RARB: variants seen among roughly 807,000 people sequenced by gnomAD.
RARB encodes retinoic acid receptor beta, also known as HBV-activated protein.
Under a neutral mutation model 51.9 loss-of-function variants are expected in RARB, and 17 were observed. The observed-to-expected ratio is 0.33, with a 90% confidence interval of 0.22 to 0.49. The LOEUF (loss-of-function observed/expected upper bound fraction) is 0.49, where lower values mean the gene tolerates loss of function less well. RARB is among the 20% of genes least tolerant of loss of function. The pLI is 0.99. For synonymous variants in RARB, 215 were observed against 195.4 expected, an observed-to-expected ratio of 1.10 and a Z score of -0.84; for missense variants, 369 against 550.8, an observed-to-expected ratio of 0.67 and a Z score of 3.30.
At chr3:25,334,447 C>T (rs957916973) in intron 5 of RARB, among the ~76,000 whole-genome samples, 9 of 152,222 alleles carry the variant, frequency 5.9e-5, no homozygotes, top group South Asian at 2.1e-4. Context: ...GCAAACACCG[C>T]ATGTTCTCAC....
intron 3 of RARB, among the ~76,000 whole-genome samples, chr3:25,567,540 G>A (rs73820520): frequency 9.8e-4 from 149 of 152,088 alleles, no homozygotes; most frequent in African/African-American, 3.2e-3. Flanking sequence ...CCACTTCCCC[G>A]TCATCGGGTG....
intron 2 of RARB, among the ~76,000 whole-genome samples, chr3:24,943,121 C>T (rs1168450963): frequency 6.6e-6 from 1 of 152,080 alleles, no homozygotes; most frequent in Non-Finnish European, 1.5e-5. Context: ...GACTTAGATT[C>T]CTAAATCAGA....
chr3:25,544,389 C>T (rs546685158), intron 3 of RARB, among the ~76,000 whole-genome samples: 1 of 152,132 alleles, frequency 6.6e-6, no homozygotes, highest in African/African-American at 2.4e-5. Flanking sequence ...AACAAAGAAG[C>T]TTTTCCCTGG....
chr3:25,596,770 T>TA lies in RARB; in HGVS notation c.*155dup. 1 of 551,290 alleles carries TA rather than the reference T, an allele frequency of 1.8e-6. No homozygotes were observed. The highest frequency in any genetic ancestry group is 3.0e-6 in the Non-Finnish European group (1 of 332,982). The allele number at this position is 551,290 out of a possible 1,614,324, so 34.1% of individuals were successfully genotyped here. ...AAGTTTTCATATGTATCAATATATA[T>TA]ACTCCTCACTGTGTAACTTACCTAG... On this transcript the variant is annotated 3_prime_UTR_variant, in exon 8 of 8. Coordinates refer to ENST00000330688, the MANE Select transcript of RARB (RefSeq NM_000965.5).
intron 5 of RARB, among the ~76,000 whole-genome samples, chr3:25,303,057 G>A (rs1704077586): frequency 6.6e-6 from 1 of 152,150 alleles, no homozygotes; most frequent in Admixed American, 6.6e-5. Flanking sequence ...GACCCTTGAT[G>A]GCCATCAGAG....
At chr3:25,002,057 C>T (rs1697172933) in intron 2 of RARB, among the ~76,000 whole-genome samples, 1 of 152,140 alleles carries the variant, frequency 6.6e-6, no homozygotes, top group South Asian at 2.1e-4. Flanking sequence ...AGGCATGAGC[C>T]ACCATACCTG....
At chr3:25,593,935 C>T (rs1448384465) in intron 6 of RARB, among the ~76,000 whole-genome samples, 1 of 152,012 alleles carries the variant, frequency 6.6e-6, no homozygotes, top group East Asian at 1.9e-4. Context: ...AGCTATTACT[C>T]CAATTGCCAC....
chr3:25,461,129 G>GA, intron 1 of RARB, 64 bp from the exon 2 acceptor site: 1 of 1,486,178 alleles, frequency 6.7e-7, no homozygotes, highest in Non-Finnish European at 9.0e-7. Flanking sequence ...ATTCACTGTT[G>GA]AAAAAAGTAA....
intron 5 of RARB, among the ~76,000 whole-genome samples, chr3:25,336,119 G>A (rs1705055615): frequency 6.7e-6 from 1 of 150,234 alleles, no homozygotes; most frequent in Admixed American, 6.6e-5. Context: ...AGGAAAAAAG[G>A]AAATAAAATT....
At chr3:25,341,425 C>T (rs970046086) in intron 5 of RARB, among the ~76,000 whole-genome samples, 1 of 152,052 alleles carries the variant, frequency 6.6e-6, no homozygotes, top group Non-Finnish European at 1.5e-5. Context: ...AGGGTGAGAG[C>T]CAGAGAGAAT....
intron 5 of RARB, among the ~76,000 whole-genome samples, chr3:25,224,054 A>C (rs1392537294): frequency 6.6e-6 from 1 of 152,204 alleles, no homozygotes; most frequent in African/African-American, 2.4e-5. Flanking sequence ...ACACCATAGA[A>C]TGTTAACACT....
chr3:24,996,692 A>G (rs547093250), intron 2 of RARB, among the ~76,000 whole-genome samples: 50 of 151,476 alleles, frequency 3.3e-4, no homozygotes, highest in African/African-American at 1.1e-3. Flanking sequence ...AATTTCATGC[A>G]TAATTTCTTC....
chr3:25,246,542 T>C (rs941942970), intron 5 of RARB, among the ~76,000 whole-genome samples: 2 of 152,134 alleles, frequency 1.3e-5, no homozygotes, highest in Admixed American at 1.3e-4. Context: ...GCTATTCCTT[T>C]CTGTTTGTTA....
intron 5 of RARB, among the ~76,000 whole-genome samples, chr3:25,313,360 G>A (rs1257553903): frequency 6.6e-6 from 1 of 152,202 alleles, no homozygotes; most frequent in South Asian, 2.1e-4. Context: ...CCTGGCAGAT[G>A]CATCAGTGGT....
At chr3:24,926,303 A>C (rs1305827615) in intron 2 of RARB, among the ~76,000 whole-genome samples, 1 of 148,704 alleles carries the variant, frequency 6.7e-6, no homozygotes, top group African/African-American at 2.4e-5. Flanking sequence ...GCCTACTTTT[A>C]AAAATATAGG....
chr3:24,966,776 TTCTG>T (rs1350068246), intron 2 of RARB, among the ~76,000 whole-genome samples: 1 of 152,198 alleles, frequency 6.6e-6, no homozygotes, highest in African/African-American at 2.4e-5. Flanking sequence ...ATTTTTATCT[TTCTG>T]GTTATCAGCA....
At chr3:25,262,088 C>T (rs2125407215) in intron 5 of RARB, among the ~76,000 whole-genome samples, 1 of 152,278 alleles carries the variant, frequency 6.6e-6, no homozygotes, top group East Asian at 1.9e-4. Context: ...AGACTCCCTA[C>T]TATGGGAAGC....
chr3:25,108,781 A>T (rs924272878), intron 3 of RARB, among the ~76,000 whole-genome samples: 4 of 152,302 alleles, frequency 2.6e-5, no homozygotes, highest in African/African-American at 9.6e-5. Flanking sequence ...ACTAAATATG[A>T]ATTAACTGCA....
chr3:25,299,484 GC>G lies in RARB; in HGVS notation c.178+124911del, dbSNP rs544384020. On this transcript the variant is annotated intron_variant, in intron 5 of 11. Transcript: ENST00000383772. ...CAAATTGCTGGGATTACAGACATGA[GC>G]CACCACACCTGGCCCACCTCACTCG... Among the ~76,000 whole-genome samples the G allele has an allele frequency of 3.3e-5, 5 of 152,222 alleles. No individual in the cohort carries two copies. The South Asian group carries it at 8.3e-4, about 25-fold the overall frequency.
Sources: gnomAD v4.1 joint callset for allele counts (sites outside exome capture counted in the v4.1 genomes callset) on GRCh38, gnomAD v4.1.1 for gene constraint, MANE v1.5 for transcripts, NCBI Gene and HGNC (gene_info 2026-07-23, HGNC 2026-07-21) for gene names.